UMAD1: variants seen among roughly 807,000 people sequenced by gnomAD.
The protein encoded by UMAD1 is UBAP1-MVB12-associated (UMA)-domain containing protein 1.
Under a neutral mutation model 6.1 loss-of-function variants are expected in UMAD1, and 8 were observed. The observed-to-expected ratio is 1.30, with a 90% CI of 0.76 to 2.35. The LOEUF (loss-of-function observed/expected upper bound fraction) is 2.35, where lower values mean the gene tolerates loss of function less well. UMAD1 is among the 30% of genes most tolerant of loss of function. The probability of loss-of-function intolerance (pLI) is 0.00; values close to 1 mark genes in which losing one functional copy is unlikely to be tolerated. For synonymous variants in UMAD1, 56 were observed against 31.4 expected, an observed-to-expected ratio of 1.78 and a Z score of -2.61; for missense variants, 130 against 78.4, an observed-to-expected ratio of 1.66 and a Z score of -2.49.
At chr7:7,845,352 T>C (rs190367599) in intron 3 of UMAD1, among the ~76,000 whole-genome samples, 2 of 152,234 alleles carry the variant, frequency 1.3e-5, no homozygotes, top group African/African-American at 4.8e-5. Context: ...AGCTGCTCTA[T>C]AGGGATCAAG....
chr7:7,830,136 T>G lies in UMAD1; in HGVS notation c.156+28393T>G, dbSNP rs923912251. On this transcript the variant is annotated intron_variant, in intron 3 of 3. Coordinates refer to ENST00000682710, the MANE Select transcript of UMAD1 (RefSeq NM_001302348.2). The surrounding 1 kb of genome is among the most constrained non-coding windows in gnomAD (Gnocchi z 5.3). ...AAAAATCTACTATGTTATTTGTTCC[T>G]TAAGAGGCATTTGCCAGTGGACCTG... Among the ~76,000 whole-genome samples the G allele has an allele frequency of 3.3e-5, 5 of 152,226 alleles. No homozygotes were observed. The highest frequency in any genetic ancestry group is 7.3e-5 in the Non-Finnish European group (5 of 68,040).
chr7:7,755,915 G>C (rs527890163), intron 2 of UMAD1, among the ~76,000 whole-genome samples: 4 of 152,146 alleles, frequency 2.6e-5, no homozygotes, highest in Non-Finnish European at 5.9e-5. Flanking sequence ...ACAAGATATG[G>C]TGATGGTTAT....
chr7:7,809,506 C>T (rs554584159), intron 3 of UMAD1, among the ~76,000 whole-genome samples: 1 of 152,090 alleles, frequency 6.6e-6, no homozygotes, highest in South Asian at 2.1e-4. Context: ...TTAAATCAGG[C>T]TAATTAACAA....
At chr7:7,697,572 G>A (rs1405372586) in intron 2 of UMAD1, among the ~76,000 whole-genome samples, 3 of 152,120 alleles carry the variant, frequency 2.0e-5, no homozygotes, top group African/African-American at 4.8e-5. Context: ...GAAGAAGCAC[G>A]AATATGTACC....
At chr7:7,733,101 A>G (rs1488888765) in intron 2 of UMAD1, among the ~76,000 whole-genome samples, 1 of 152,202 alleles carries the variant, frequency 6.6e-6, no homozygotes, top group African/African-American at 2.4e-5. Context: ...ATTTTTGTGG[A>G]CAAAGAGTGT....
intron 2 of UMAD1, chr7:7,676,302 T>G: frequency 2.5e-6 from 1 of 395,226 alleles, no homozygotes; most frequent in Non-Finnish European, 4.5e-6. Flanking sequence ...AATAAATGAG[T>G]TAATGTGTGT....
chr7:7,746,923 AT>A (rs1318732479), intron 2 of UMAD1, among the ~76,000 whole-genome samples: 1 of 151,870 alleles, frequency 6.6e-6, no homozygotes, highest in African/African-American at 2.4e-5. Flanking sequence ...TTTTAAAAAA[AT>A]GTTTATATTT....
At chr7:7,866,144 A>G (rs1036851041) in intron 3 of UMAD1, among the ~76,000 whole-genome samples, 3 of 152,230 alleles carry the variant, frequency 2.0e-5, no homozygotes, top group African/African-American at 7.2e-5. Context: ...GAGGGCCAAC[A>G]TCCTAATTCC....
intron 3 of UMAD1, among the ~76,000 whole-genome samples, chr7:7,802,664 G>A (rs147811765): frequency 1.4e-4 from 22 of 152,232 alleles, no homozygotes; most frequent in Middle Eastern, 3.4e-3. Flanking sequence ...AACTTTCTAC[G>A]TAGTGACACA....
At chr7:7,777,202 C>T (rs907106664) in intron 2 of UMAD1, among the ~76,000 whole-genome samples, 1 of 152,130 alleles carries the variant, frequency 6.6e-6, no homozygotes, top group South Asian at 2.1e-4. Flanking sequence ...TTCCAGACTT[C>T]CGCTTGTAAA....
intron 1 of UMAD1, among the ~76,000 whole-genome samples, chr7:7,643,667 G>T (rs186494334): frequency 4.0e-5 from 6 of 150,098 alleles, no homozygotes; most frequent in Non-Finnish European, 8.8e-5. Flanking sequence ...AGCCGAGATC[G>T]CGCCACTTCA....
intron 3 of UMAD1, among the ~76,000 whole-genome samples, chr7:7,866,038 T>C (rs1784219178): frequency 6.6e-6 from 1 of 152,212 alleles, no homozygotes; most frequent in African/African-American, 2.4e-5. Context: ...AGTTTATCTC[T>C]GCATTTAATA....
At position 7,731,897 on chromosome 7, in the gene UMAD1, C is replaced by T. The variant is rs566198284; in HGVS notation, c.82+58444C>T. Among the ~76,000 whole-genome samples, 55 of 152,282 alleles carry T rather than the reference C, an allele frequency of 3.6e-4. No homozygotes were observed. The South Asian group carries it at 7.7e-3, about 21-fold the overall frequency. On this transcript the variant is annotated intron_variant, in intron 2 of 3. Coordinates refer to ENST00000682710, the MANE Select transcript of UMAD1 (RefSeq NM_001302348.2). ...CTTTGAAGTTTATTTCCTGCCTTAA[C>T]TGACCTGATGACCTTGAGCAAATTG...
chr7:7,752,954 G>C (rs1343621285), intron 2 of UMAD1, among the ~76,000 whole-genome samples: 2 of 151,936 alleles, frequency 1.3e-5, no homozygotes, highest in Non-Finnish European at 2.9e-5. Context: ...ATCCACCCTG[G>C]TCTGTAGTTA....
chr7:7,743,549 A>G (rs1781514289), intron 2 of UMAD1, among the ~76,000 whole-genome samples: 2 of 152,052 alleles, frequency 1.3e-5, no homozygotes, highest in South Asian at 4.1e-4. Flanking sequence ...TCATGTTAAT[A>G]CTTTCCCCTT....
intron 2 of UMAD1, among the ~76,000 whole-genome samples, chr7:7,685,158 G>A (rs1203735770): frequency 2.0e-5 from 3 of 152,006 alleles, no homozygotes; most frequent in Non-Finnish European, 2.9e-5. Context: ...ATTCATATAG[G>A]GTTGGAAGAC....
At chr7:7,716,678 G>T (rs1488156242) in intron 2 of UMAD1, among the ~76,000 whole-genome samples, 4 of 152,244 alleles carry the variant, frequency 2.6e-5, no homozygotes, top group African/African-American at 9.6e-5. Context: ...CGGCGCGGTG[G>T]CTCACGCCTG....
rs1195993150 is a variant in UMAD1, at chr7:7,658,772, C to T, written c.-63-14537C>T. Among the ~76,000 whole-genome samples the T allele has an allele frequency of 2.6e-5, 4 of 152,070 alleles. No individual in the cohort carries two copies. In the East Asian group the frequency reaches 7.7e-4, roughly 29 times the overall value. The stretch of plus-strand genomic sequence containing the variant: ...ATCAGGAATGTTGGCCTGAAATTTT[C>T]TTTTTTTGTTGTATCTCTGCCTGGT... On this transcript the variant is annotated intron_variant, in intron 1 of 3. Transcript: ENST00000682710.
Position 7,731,655 on chromosome 7 carries a change from C to T in UMAD1, c.82+58202C>T, listed in dbSNP as rs111731639. ...AATTGCCTATTTGTTTATAAGCTGCCGCAATAAAAGAGAGTTTTCAGAAAA... is the reference window on the plus strand; with the variant it reads ...AATTGCCTATTTGTTTATAAGCTGCTGCAATAAAAGAGAGTTTTCAGAAAA... On this transcript the variant is annotated intron_variant, in intron 2 of 3. Transcript: ENST00000682710. Among the ~76,000 whole-genome samples, 97 of 152,064 alleles carry T rather than the reference C, an allele frequency of 6.4e-4. 1 individual carries two copies. Among genetic ancestry groups the T allele is most frequent in the African/African-American group, 2.2e-3 (92 of 41,444 alleles).
Sources: allele counts gnomAD v4.1 joint callset (sites outside exome capture counted in the v4.1 genomes callset), GRCh38; gene constraint gnomAD v4.1.1; non-coding constraint Gnocchi (gnomAD v3.1); transcripts MANE v1.5; gene names NCBI Gene and HGNC (gene_info 2026-07-23, HGNC 2026-07-21).